Variants in CELSR1 observed in about 807,000 individuals in gnomAD.
The protein encoded by CELSR1 is adhesion G protein-coupled receptor C1.
Under a neutral mutation model 249.1 loss-of-function variants are expected in CELSR1, and 110 were observed. That is an observed-to-expected ratio of 0.44 (90% CI 0.38 to 0.52). The LOEUF is 0.52. Among genes scored for constraint, CELSR1 ranks in the 20% least tolerant of loss-of-function variants. CELSR1 has a pLI of 0.00. For synonymous variants in CELSR1, 2,113 were observed against 1,900.0 expected (o/e 1.11, Z -2.92); for missense variants, 4,109 against 4,296.4 (o/e 0.96, Z 1.22).
chr22:46,381,963 C>T lies in CELSR1; in HGVS notation c.6971G>A (p.Ser2324Asn). The change falls in exon 21 of 35, where the codon AGC becomes AAC. Residue 2324 changes from serine (S) to asparagine (N), a missense_variant. Physicochemically the swap from Ser to Asn is conservative, Grantham distance 46. This residue lies in a region of CELSR1 where 1,805 missense variants were observed against 1,831.6 expected (regional missense o/e 0.99). Transcript: ENST00000674500. The surrounding 1 kb of genome is among the most constrained non-coding windows in gnomAD (Gnocchi z 6.0). ...GTCATCAGGGTGTCGCCTCCGCCTGCTGATCGGGGCCTCCCTCTCGGTGCC... is the reference window on the plus strand; with the variant it reads ...GTCATCAGGGTGTCGCCTCCGCCTGTTGATCGGGGCCTCCCTCTCGGTGCC... ...GPGTEREAPI[S>N]RRRRHPDDAG... 6.4e-7 allele frequency: 1 copy of T among 1,564,990 alleles called. No individual in the cohort carries two copies. The highest frequency in any genetic ancestry group is 8.6e-7 in the Non-Finnish European group (1 of 1,157,002).
rs1010706818 is a variant in CELSR1, at chr22:46,407,906, C to T, written c.5226+1090G>A. On this transcript the variant is annotated intron_variant, in intron 9 of 34. Coordinates refer to ENST00000674500, the MANE Select transcript of CELSR1 (RefSeq NM_001378328.1). This position sits in a 1 kb window ranked among gnomAD's most constrained non-coding sequence, Gnocchi z 4.8. ...GAGCGCCCGTGCCCCGCCATCACTA[C>T]AGACGAGAATGACCTTCAGATGCAC... 1.4e-4 allele frequency among the ~76,000 whole-genome samples: 21 copies of T among 152,230 alleles called. No individual in the cohort carries two copies. The highest frequency in any genetic ancestry group is 1.5e-5 in the Non-Finnish European group (1 of 68,046).
chr22:46,451,930 A>T (rs1180900099), intron 2 of CELSR1, among the ~76,000 whole-genome samples: 1 of 152,156 alleles, frequency 6.6e-6, no homozygotes, highest in Admixed American at 6.5e-5. Context: ...GATGAGAAGC[A>T]AGGGGAAGGG....
At chr22:46,496,972 T>C (rs1016808196) in intron 1 of CELSR1, among the ~76,000 whole-genome samples, 1 of 152,192 alleles carries the variant, frequency 6.6e-6, no homozygotes, top group Non-Finnish European at 1.5e-5. Context: ...AATGATCAAG[T>C]GTTATGAACT....
At chr22:46,453,011 G>A (rs910988232) in intron 2 of CELSR1, among the ~76,000 whole-genome samples, 8 of 151,716 alleles carry the variant, frequency 5.3e-5, no homozygotes, top group Admixed American at 4.6e-4. Flanking sequence ...TCCACCCAGG[G>A]GAGAGGGCAC....
At position 46,473,462 on chromosome 22, in the gene CELSR1, C is replaced by T. The variant is rs1282309190; in HGVS notation, c.3545-9117G>A. Among the ~76,000 whole-genome samples the T allele has an allele frequency of 3.3e-5, 5 of 152,134 alleles. No homozygotes were observed. The highest frequency in any genetic ancestry group is 7.2e-5 in the African/African-American group (3 of 41,424). ...AGATGGAGCCACAGGCAGCTGGAGA[C>T]GCAGCCAGTGCCGGGCAGGAACCAG... is the stretch of plus-strand genomic sequence containing the variant. On this transcript the variant is annotated intron_variant, in intron 1 of 34. Coordinates refer to ENST00000674500, the MANE Select transcript of CELSR1 (RefSeq NM_001378328.1). This position sits in a 1 kb window ranked among gnomAD's most constrained non-coding sequence, Gnocchi z 6.6.
intron 9 of CELSR1, among the ~76,000 whole-genome samples, chr22:46,405,909 C>T (rs576633461): frequency 2.8e-4 from 43 of 152,276 alleles, no homozygotes; most frequent in African/African-American, 9.1e-4. Context: ...CCGGCCTCTG[C>T]GAGCTGCCCT....
intron 20 of CELSR1, 143 bp from the exon 21 acceptor site, chr22:46,382,193 G>T (rs2078985791): frequency 1.3e-6 from 1 of 751,314 alleles, no homozygotes; most frequent in Non-Finnish European, 2.1e-6. Flanking sequence ...ATCAAAAACA[G>T]GACTTATCAC....
intron 18 of CELSR1, among the ~76,000 whole-genome samples, chr22:46,388,648 C>T (rs9626863): frequency 0.18 from 27,899 of 152,146 alleles, 5,333 homozygotes; most frequent in African/African-American, 0.49. Flanking sequence ...CCTGTCTGGA[C>T]GAAGAGGCCT....
chr22:46,511,109 G>A (rs375438358), intron 1 of CELSR1, among the ~76,000 whole-genome samples: 54 of 105,616 alleles, frequency 5.1e-4, no homozygotes, highest in East Asian at 1.2e-3. Context: ...TCAAGACTTC[G>A]TCTCAAAAAC....
chr22:46,426,061 G>A (rs2079532989), intron 5 of CELSR1, among the ~76,000 whole-genome samples: 1 of 125,482 alleles, frequency 8.0e-6, no homozygotes. Context: ...ACGTCTCTAT[G>A]CAGACCCATC....
rs774778565 is a variant in CELSR1, at chr22:46,363,951, A to G, written c.9035+45T>C. ...CCCCTCTCTCTCCTGACTCAGGACA[A>G]GGGGGAAGTGGGTGATCCCCGCCCT... On this transcript the variant is annotated intron_variant, in intron 34 of 34. Coordinates refer to ENST00000674500, the MANE Select transcript of CELSR1 (RefSeq NM_001378328.1). This position sits in a 1 kb window ranked among gnomAD's most constrained non-coding sequence, Gnocchi z 4.3. 6.5e-7 allele frequency: 1 copy of G among 1,528,420 alleles called. No individual in the cohort carries two copies. The highest frequency in any genetic ancestry group is 2.4e-5 in the East Asian group (1 of 41,564). 94.7% of individuals were successfully genotyped at this position (1,528,420 alleles called of 1,614,324 possible).
At chr22:46,502,975 G>A (rs1429135673) in intron 1 of CELSR1, among the ~76,000 whole-genome samples, 1 of 152,186 alleles carries the variant, frequency 6.6e-6, no homozygotes, top group Non-Finnish European at 1.5e-5. Flanking sequence ...ACGGCACTCG[G>A]AGAGAAGATC....
At chr22:46,486,892 G>T (rs1354248734) in intron 1 of CELSR1, among the ~76,000 whole-genome samples, 1 of 152,066 alleles carries the variant, frequency 6.6e-6, no homozygotes, top group East Asian at 1.9e-4. Context: ...GTCCACACAG[G>T]ATGTCTTCTG....
rs1277954658 is a variant in CELSR1, at chr22:46,380,242, CA to C, written c.7256+545del. ...CGCGCACAGATTCTCCTGCGTTCGC[CA>C]CTCTGTGACTCTCTGACGCTGCTTC... On this transcript the variant is annotated intron_variant, in intron 22 of 34. Coordinates refer to ENST00000674500, the MANE Select transcript of CELSR1 (RefSeq NM_001378328.1). This position sits in a 1 kb window ranked among gnomAD's most constrained non-coding sequence, Gnocchi z 5.1. Among the ~76,000 whole-genome samples, 1 of 152,230 alleles carries C rather than the reference CA, an allele frequency of 6.6e-6. No individual in the cohort carries two copies. Among genetic ancestry groups the C allele is most frequent in the African/African-American group, 2.4e-5 (1 of 41,446 alleles).
intron 5 of CELSR1, among the ~76,000 whole-genome samples, chr22:46,422,783 G>A (rs9616002): frequency 3.3e-5 from 4 of 121,840 alleles, no homozygotes; most frequent in African/African-American, 1.6e-4. Flanking sequence ...AAAAAAAATG[G>A]CTCATAGTCC....
At position 46,369,672 on chromosome 22, in the gene CELSR1, C is replaced by G. The variant is rs757672894; in HGVS notation, c.7872+20G>C. The G allele has an allele frequency of 6.2e-7, 1 of 1,606,260 alleles. No individual in the cohort carries two copies. Among genetic ancestry groups the G allele is most frequent in the Admixed American group, 1.7e-5 (1 of 59,920 alleles). On this transcript the variant is annotated intron_variant, in intron 26 of 34. Coordinates refer to ENST00000674500, the MANE Select transcript of CELSR1 (RefSeq NM_001378328.1). The stretch of plus-strand genomic sequence containing the variant: ...TGCATGTTTGGGGCACCCGGACTCC[C>G]GTGAAGGCCCCACACTCACGATTAT...
intron 1 of CELSR1, among the ~76,000 whole-genome samples, chr22:46,516,596 C>T (rs1032236956): frequency 1.3e-5 from 2 of 152,124 alleles, no homozygotes; most frequent in African/African-American, 2.4e-5. Context: ...TGCCTCGCCT[C>T]CCAAAGTGCT....
Position 46,534,764 on chromosome 22 carries a change from G to C in CELSR1, c.2407C>G (p.Pro803Ala). Residue 803 changes from proline (P) to alanine (A), a missense_variant, in exon 1 of 35, where the codon CCT becomes GCT. Pro to Ala is a conservative substitution (Grantham distance 27). Transcript: ENST00000674500. The surrounding 1 kb of genome is among the most constrained non-coding windows in gnomAD (Gnocchi z 9.7). ...AGGGTAGCAATGGAGGTGCCCACAG[G>C]CCTGTCCTCACTGACACTCACTGTG... ...HYTVSVSEDR[P>A]VGTSIATLSA... is the part of the protein sequence containing the mutation. The C allele has an allele frequency of 6.2e-7, 1 of 1,613,072 alleles. No homozygotes were observed. The highest frequency in any genetic ancestry group is 8.5e-7 in the Non-Finnish European group (1 of 1,180,014).
intron 30 of CELSR1, 70 bp from the exon 31 acceptor site, chr22:46,365,759 G>A (rs1031147106): frequency 8.2e-7 from 1 of 1,216,104 alleles, no homozygotes. Flanking sequence ...AAGTTCTCTG[G>A]AAGATTCTCT....
Sources: allele counts gnomAD v4.1 joint callset (sites outside exome capture counted in the v4.1 genomes callset), GRCh38; gene constraint gnomAD v4.1.1; regional missense constraint gnomAD v4.1.1; non-coding constraint Gnocchi (gnomAD v3.1); transcripts MANE v1.5; gene names NCBI Gene and HGNC (gene_info 2026-07-23, HGNC 2026-07-21).